Variants in ZNF831 observed in about 807,000 individuals in gnomAD.
ZNF831 encodes the protein chromosome 20 open reading frame 174.
Under a neutral mutation model 95.8 loss-of-function variants are expected in ZNF831, and 59 were observed. That is an observed-to-expected ratio of 0.62 (90% CI 0.50 to 0.77). ZNF831 has a LOEUF of 0.77. Ranked by LOEUF, ZNF831 falls within the 30% of genes least tolerant of loss-of-function variation. ZNF831 has a pLI of 0.00. For missense variants in ZNF831, 2,205 were observed against 2,164.0 expected, an observed-to-expected ratio of 1.02 and a Z score of -0.38; for synonymous variants, 961 against 925.5, an observed-to-expected ratio of 1.04 and a Z score of -0.70.
chr20:59,224,025 C>G (rs542166263), intron 4 of ZNF831, among the ~76,000 whole-genome samples: 1 of 152,366 alleles, frequency 6.6e-6, no homozygotes, highest in South Asian at 2.1e-4. Context: ...GTGGCCAGCG[C>G]TCTTTTGGGG....
At position 59,217,036 on chromosome 20, in the gene ZNF831, A is replaced by G. The variant is rs1601411069; in HGVS notation, c.4027+9980A>G. The stretch of plus-strand genomic sequence containing the variant: ...TTTAATTACACGTGTAATCATGAAT[A>G]ATACTTAACACATAAAAATGCAATA... On this transcript the variant is annotated intron_variant, in intron 4 of 5. Transcript: ENST00000371030. The surrounding 1 kb of genome is among the most constrained non-coding windows in gnomAD (Gnocchi z 4.4). 6.6e-6 allele frequency among the ~76,000 whole-genome samples: 1 copy of G among 152,192 alleles called. No homozygotes were observed. Among genetic ancestry groups the G allele is most frequent in the African/African-American group, 2.4e-5 (1 of 41,450 alleles).
chr20:59,200,770 G>C (rs1029910644), intron 3 of ZNF831, among the ~76,000 whole-genome samples: 1 of 151,468 alleles, frequency 6.6e-6, no homozygotes, highest in Non-Finnish European at 1.5e-5. Context: ...TATTCACTCA[G>C]TATTACTATT....
At chr20:59,147,537 G>C (rs989634417) in intron 2 of ZNF831, among the ~76,000 whole-genome samples, 2 of 152,220 alleles carry the variant, frequency 1.3e-5, no homozygotes, top group African/African-American at 4.8e-5. Context: ...TTTTTTAAAA[G>C]GAAAGGCTGT....
At position 59,164,130 on chromosome 20, in the gene ZNF831, G is replaced by A. The variant is rs888168274; in HGVS notation, c.-114G>A. On this transcript the variant is annotated 5_prime_UTR_variant, in exon 1 of 6. Transcript: ENST00000371030. ...CCCAGTGGTCCTTTCTGGACCTGTG[G>A]GTGTCTTCTCTGGGCAACCAGATCA... Among the ~76,000 whole-genome samples the A allele has an allele frequency of 5.3e-5, 8 of 152,020 alleles. No homozygotes were observed. Among genetic ancestry groups the A allele is most frequent in the African/African-American group, 1.9e-4 (8 of 41,364 alleles).
chr20:59,135,779 T>G (rs1191938876), intron 1 of ZNF831, among the ~76,000 whole-genome samples: 1 of 152,172 alleles, frequency 6.6e-6, no homozygotes, highest in Non-Finnish European at 1.5e-5. Flanking sequence ...ATGCCTGTGA[T>G]CCCAGTTATT....
chr20:59,241,698 C>A (rs1355385438), intron 4 of ZNF831, among the ~76,000 whole-genome samples: 1 of 152,128 alleles, frequency 6.6e-6, no homozygotes, highest in African/African-American at 2.4e-5. Context: ...TTGTCTTAAA[C>A]AGTATTGAAG....
intron 4 of ZNF831, among the ~76,000 whole-genome samples, chr20:59,238,624 ACTTT>A (rs1987136296): frequency 1.3e-5 from 2 of 152,332 alleles, no homozygotes; most frequent in African/African-American, 4.8e-5. Flanking sequence ...AGAAGGCTTA[ACTTT>A]CTTTTCTCTT....
intron 1 of ZNF831, among the ~76,000 whole-genome samples, chr20:59,136,670 G>T (rs1359416460): frequency 6.6e-6 from 1 of 152,134 alleles, no homozygotes; most frequent in Non-Finnish European, 1.5e-5. Flanking sequence ...CTCATTCTAG[G>T]ATAAAATGTT....
intron 4 of ZNF831, among the ~76,000 whole-genome samples, chr20:59,232,108 G>A (rs921746934): frequency 1.9e-4 from 29 of 152,170 alleles, no homozygotes; most frequent in African/African-American, 7.0e-4. Context: ...GAGAAACTCT[G>A]GCACAAGGAA....
chr20:59,240,711 A>C (rs1302674494), intron 4 of ZNF831, among the ~76,000 whole-genome samples: 9 of 152,278 alleles, frequency 5.9e-5, no homozygotes, highest in Admixed American at 2.6e-4. Flanking sequence ...CTGAGGCAGG[A>C]GAATGGCGTG....
Position 59,192,689 on chromosome 20 carries a change from A to G in ZNF831, c.1670A>G (p.His557Arg). Residue 557 changes from histidine to arginine, a missense_variant, in exon 2 of 6, where the codon CAT (histidine) becomes CGT (arginine). By Grantham distance (29) the His-to-Arg change is conservative (BLOSUM62 0). Transcript: ENST00000371030. This position sits in a 1 kb window ranked among gnomAD's most constrained non-coding sequence, Gnocchi z 5.2. ...AGCTCGACTGACGTTCCCAGTGGGCATCCCCGGGCCCTGGTCAGACAGGCC... is the reference window on the plus strand; with the variant it reads ...AGCTCGACTGACGTTCCCAGTGGGCGTCCCCGGGCCCTGGTCAGACAGGCC... ...GLSSTDVPSGHPRALVRQAAV... is the reference protein window; with the variant it reads ...GLSSTDVPSGRPRALVRQAAV... The G allele has an allele frequency of 6.4e-7, 1 of 1,570,236 alleles. No homozygotes were observed. Among genetic ancestry groups the G allele is most frequent in the Non-Finnish European group, 8.6e-7 (1 of 1,160,244 alleles).
intron 4 of ZNF831, among the ~76,000 whole-genome samples, chr20:59,210,967 A>G (rs1360163976): frequency 1.2e-5 from 1 of 86,532 alleles, no homozygotes; most frequent in Non-Finnish European, 2.2e-5. Context: ...CGGGAGGCGG[A>G]GCTTGCAGTG....
At chr20:59,127,128 CG>C (rs2146432687) in intron 1 of ZNF831, among the ~76,000 whole-genome samples, 1 of 23,914 alleles carries the variant, frequency 4.2e-5, no homozygotes, top group African/African-American at 8.8e-5. Context: ...GCAAAACTCT[CG>C]GAGGATCCTT....
At chr20:59,221,437 G>T (rs1021315425) in intron 4 of ZNF831, among the ~76,000 whole-genome samples, 1 of 152,168 alleles carries the variant, frequency 6.6e-6, no homozygotes, top group Non-Finnish European at 1.5e-5. Flanking sequence ...GGACCCCATC[G>T]TCCTCTAGGT....
At chr20:59,154,971 C>T (rs1279646807) in intron 2 of ZNF831, among the ~76,000 whole-genome samples, 1 of 152,244 alleles carries the variant, frequency 6.6e-6, no homozygotes, top group Non-Finnish European at 1.5e-5. Context: ...CCGTCTCTCA[C>T]ACTGAAATGT....
intron 5 of ZNF831, 146 bp downstream of exon 5, chr20:59,253,284 A>G: frequency 1.2e-6 from 1 of 824,112 alleles, no homozygotes; most frequent in Non-Finnish European, 1.9e-6. Flanking sequence ...ATTAAGACAA[A>G]CAAATAACTC....
chr20:59,250,768 A>G (rs958838147), intron 4 of ZNF831, among the ~76,000 whole-genome samples: 1 of 152,198 alleles, frequency 6.6e-6, no homozygotes, highest in Non-Finnish European at 1.5e-5. Context: ...TTAAAAGCAT[A>G]ATAGCAGAAA....
chr20:59,201,506 G>A (rs912941628), intron 3 of ZNF831, among the ~76,000 whole-genome samples: 1 of 151,644 alleles, frequency 6.6e-6, no homozygotes, highest in South Asian at 2.1e-4. Flanking sequence ...ACCTTTTTTT[G>A]TTATGTTTTT....
upstream of ZNF831, among the ~76,000 whole-genome samples, chr20:59,159,356 C>A (rs1024322654): frequency 2.0e-5 from 3 of 152,136 alleles, no homozygotes; most frequent in Non-Finnish European, 2.9e-5. Flanking sequence ...GAGGAACTCT[C>A]AGTGGGAATA....
Sources: allele counts gnomAD v4.1 joint callset (sites outside exome capture counted in the v4.1 genomes callset), GRCh38; gene constraint gnomAD v4.1.1; non-coding constraint Gnocchi (gnomAD v3.1); transcripts MANE v1.5; gene names NCBI Gene and HGNC (gene_info 2026-07-23, HGNC 2026-07-21).